Variants in SLC4A5 observed in about 807,000 individuals in gnomAD.
SLC4A5 encodes solute carrier family 4 member 5, also known as electrogenic sodium bicarbonate cotransporter 4.
A neutral mutation model predicts 120.4 loss-of-function variants in SLC4A5; 96 were observed. The observed-to-expected ratio is 0.80, with a 90% CI of 0.68 to 0.94. The LOEUF is 0.94. Among genes scored for constraint, SLC4A5 ranks in the 40% least tolerant of loss-of-function variants. The pLI is 0.00. For missense variants in SLC4A5, 1,259 were observed against 1,459.5 expected (o/e 0.86, Z 2.24); for synonymous variants, 550 against 571.1 (o/e 0.96, Z 0.53).
rs189910146 is a variant in SLC4A5 at position 74,268,547 on chromosome 2, C to G, written c.402-3283G>C. 2.7e-4 allele frequency among the ~76,000 whole-genome samples: 41 copies of G among 152,312 alleles called. 1 individual carries two copies. The East Asian group carries it at 2.7e-3, about 10-fold the overall frequency. ...GACATTCAGATTATTTCTAATTATT[C>G]TTTATTATTAATTAAGGCTGGTTGG... On this transcript the variant is annotated intron_variant, in intron 8 of 30. Transcript: ENST00000394019.
intron 5 of SLC4A5, among the ~76,000 whole-genome samples, chr2:74,321,819 T>C (rs1196929861): frequency 6.6e-6 from 1 of 151,828 alleles, no homozygotes; most frequent in Non-Finnish European, 1.5e-5. Context: ...AGGCATGAGC[T>C]GGGATCTATA....
At chr2:74,241,513 G>A (rs576206441) in intron 20 of SLC4A5, among the ~76,000 whole-genome samples, 9 of 151,902 alleles carry the variant, frequency 5.9e-5, no homozygotes, top group African/African-American at 1.9e-4. Context: ...GGCCGAGGCC[G>A]GCAGATCACT....
chr2:74,315,301 G>A (rs1672930604), intron 5 of SLC4A5, among the ~76,000 whole-genome samples: 1 of 151,992 alleles, frequency 6.6e-6, no homozygotes, highest in Non-Finnish European at 1.5e-5. Context: ...TTAGCCAGAT[G>A]TGGTGGCATT....
intron 23 of SLC4A5, 21 bp downstream of exon 23, chr2:74,233,381 T>C: frequency 6.2e-7 from 1 of 1,613,974 alleles, no homozygotes; most frequent in Admixed American, 1.7e-5. Context: ...GTTATGCCTC[T>C]GCTCCTAGTA....
At chr2:74,244,404 C>CCCTT (rs1257389554) in intron 19 of SLC4A5, among the ~76,000 whole-genome samples, 1 of 148,822 alleles carries the variant, frequency 6.7e-6, no homozygotes, top group African/African-American at 2.5e-5. Context: ...ACTCCCTCCC[C>CCCTT]CCTTCCTTCC....
At chr2:74,263,125 C>T (rs1171402466) in intron 10 of SLC4A5, among the ~76,000 whole-genome samples, 1 of 152,160 alleles carries the variant, frequency 6.6e-6, no homozygotes, top group African/African-American at 2.4e-5. Flanking sequence ...CTGCAACCTC[C>T]GTCTCCTGGG....
At chr2:74,334,121 T>A (rs1673428686) in exon 4 of SLC4A5, 1 of 152,224 alleles carries the variant, frequency 6.6e-6, no homozygotes, top group African/African-American at 2.4e-5. Context: ...CTGCTTTAGC[T>A]GTTTCTGAAC....
chr2:74,238,121 AAAT>A (rs1331927527), intron 21 of SLC4A5, among the ~76,000 whole-genome samples: 3 of 152,138 alleles, frequency 2.0e-5, no homozygotes, highest in South Asian at 4.1e-4. Context: ...AATAATAATA[AAAT>A]AATAATAACA....
chr2:74,254,662 T>G, exon 14 of SLC4A5: 1 of 1,614,094 alleles, frequency 6.2e-7, no homozygotes, highest in Non-Finnish European at 8.5e-7. Flanking sequence ...AATTTCATTG[T>G]AGGATTTTGC....
At chr2:74,245,507 G>A (rs1219293276) in intron 19 of SLC4A5, among the ~76,000 whole-genome samples, 2 of 152,150 alleles carry the variant, frequency 1.3e-5, no homozygotes, top group Non-Finnish European at 2.9e-5. Context: ...TTTGCTCCAG[G>A]GCAGAATGAA....
At chr2:74,291,449 AC>A (rs943267302) in intron 7 of SLC4A5, among the ~76,000 whole-genome samples, 1 of 152,056 alleles carries the variant, frequency 6.6e-6, no homozygotes, top group African/African-American at 2.4e-5. Context: ...TCAAGTCCAA[AC>A]CCTTCATTTC....
chr2:74,255,854 C>T lies in SLC4A5; in HGVS notation c.946G>A (p.Asp316Asn). 1.2e-6 allele frequency: 2 copies of T among 1,614,160 alleles called. No homozygotes were observed. Among genetic ancestry groups the T allele is most frequent in the South Asian group, 1.1e-5 (1 of 91,080 alleles). ...CGCACGAACGCGATGAATGGCTGGTCTAGGAAGTCCACCTCGCCCACGAGC... is the reference window on the plus strand; with the variant it reads ...CGCACGAACGCGATGAATGGCTGGTTTAGGAAGTCCACCTCGCCCACGAGC... Residue 316 changes from aspartate to asparagine, a missense_variant, in exon 13 of 31, where the codon GAC becomes AAC. Transcript: ENST00000394019. This position sits in a 1 kb window ranked among gnomAD's most constrained non-coding sequence, Gnocchi z 4.0.
intron 27 of SLC4A5, 113 bp downstream of exon 27, chr2:74,226,844 C>A: frequency 7.8e-7 from 1 of 1,285,414 alleles, no homozygotes; most frequent in Non-Finnish European, 1.1e-6. Flanking sequence ...CCGAGGGAGC[C>A]AGGCCACAGC....
chr2:74,226,875 G>A, intron 27 of SLC4A5, 82 bp downstream of exon 27: 1 of 1,480,910 alleles, frequency 6.8e-7, no homozygotes, highest in Non-Finnish European at 9.2e-7. Context: ...GCAGAAGGTG[G>A]CAGGAGGGGA....
intron 7 of SLC4A5, among the ~76,000 whole-genome samples, chr2:74,302,870 T>C (rs1672514440): frequency 6.6e-6 from 1 of 152,138 alleles, no homozygotes; most frequent in Non-Finnish European, 1.5e-5. Flanking sequence ...CAATCCTGAA[T>C]GTAGGAGAGG....
At chr2:74,264,501 T>TGTGTGTGTGTGTGTGTGTGC (rs1671240415) in intron 9 of SLC4A5, among the ~76,000 whole-genome samples, 1 of 151,896 alleles carries the variant, frequency 6.6e-6, no homozygotes, top group Non-Finnish European at 1.5e-5. Flanking sequence ...TGTGTGTGTG[T>TGTGTGTGTGTGTGTGTGTGC]GTGTGTGTGT....
At chr2:74,278,933 G>A (rs1054641685) in intron 8 of SLC4A5, among the ~76,000 whole-genome samples, 2 of 152,166 alleles carry the variant, frequency 1.3e-5, no homozygotes, top group South Asian at 4.1e-4. Context: ...TCCTACAGTC[G>A]CTTTTCCACC....
intron 2 of SLC4A5, among the ~76,000 whole-genome samples, chr2:74,340,571 G>T (rs1673601259): frequency 6.6e-6 from 1 of 152,106 alleles, no homozygotes; most frequent in Non-Finnish European, 1.5e-5. Context: ...AAATGGGGTG[G>T]GTGTAGGAAA....
At chr2:74,241,106 G>A (rs1162121674) in intron 20 of SLC4A5, among the ~76,000 whole-genome samples, 1 of 152,104 alleles carries the variant, frequency 6.6e-6, no homozygotes, top group East Asian at 1.9e-4. Flanking sequence ...TGGGGCTGGA[G>A]AGTGGCACTG....
Sources: gnomAD v4.1 joint callset for allele counts (sites outside exome capture counted in the v4.1 genomes callset) on GRCh38, gnomAD v4.1.1 for gene constraint, Gnocchi (gnomAD v3.1) non-coding constraint, MANE v1.5 for transcripts, NCBI Gene and HGNC (gene_info 2026-07-23, HGNC 2026-07-21) for gene names.